The following RAB3GAP1 variants were observed in gnomAD, a reference collection of about 807,000 sequenced individuals.
RAB3GAP1 encodes the protein rab3 GTPase-activating protein catalytic subunit.
In RAB3GAP1, 86 loss-of-function variants were observed where a neutral mutation model predicts 130.7. The observed-to-expected ratio is 0.66, with a 90% CI of 0.55 to 0.79. RAB3GAP1 has a LOEUF of 0.79. Among genes scored for constraint, RAB3GAP1 ranks in the 30% least tolerant of loss-of-function variants. The pLI is 0.00. For synonymous variants in RAB3GAP1, 367 were observed against 401.7 expected (o/e 0.91, Z 1.03); for missense variants, 1,029 against 1,169.4 (o/e 0.88, Z 1.75).
At position 135,170,060 on chromosome 2, in the gene RAB3GAP1, G is replaced by C. The variant is rs1692805681; in HGVS notation, c.*1279G>C. ...GTCTCTGTGTATGTGAAGTAGGGGA[G>C]GCCCTGGGGGATGACCTCCCAGCCT... On this transcript the variant is annotated 3_prime_UTR_variant, in exon 24 of 24. Coordinates refer to ENST00000264158, the MANE Select transcript of RAB3GAP1 (RefSeq NM_012233.3). The C allele has an allele frequency of 5.3e-6, 1 of 190,348 alleles. No individual in the cohort carries two copies. The highest frequency in any genetic ancestry group is 1.1e-5 in the Non-Finnish European group (1 of 92,118). 11.8% of individuals were successfully genotyped at this position (190,348 alleles called of 1,614,324 possible). A position where few individuals can be genotyped will look rare whatever the true frequency, so the allele number is the denominator to read the frequency against.
intron 3 of RAB3GAP1, among the ~76,000 whole-genome samples, chr2:135,067,986 C>T (rs768477780): frequency 3.3e-5 from 5 of 152,134 alleles, no homozygotes; most frequent in Non-Finnish European, 5.9e-5. Flanking sequence ...GTGATTCTCC[C>T]GCCTCAGCCT....
chr2:135,079,817 TCTTAA>T (rs1689736037), intron 3 of RAB3GAP1, among the ~76,000 whole-genome samples: 1 of 152,204 alleles, frequency 6.6e-6, no homozygotes, highest in South Asian at 2.1e-4. Context: ...TTTTTCAGTC[TCTTAA>T]CTTTTCTCAT....
chr2:135,129,843 T>G (rs1011571962), intron 11 of RAB3GAP1, 152 bp from the exon 12 acceptor site: 5 of 614,388 alleles, frequency 8.1e-6, no homozygotes, highest in Non-Finnish European at 1.2e-5. Flanking sequence ...GATATAGGAT[T>G]AATTTTTGTT....
intron 5 of RAB3GAP1, among the ~76,000 whole-genome samples, chr2:135,102,831 T>C (rs899684651): frequency 2.0e-5 from 3 of 151,596 alleles, no homozygotes; most frequent in Admixed American, 1.3e-4. Context: ...CTGGCCAACA[T>C]AGTGAAACCT....
intron 17 of RAB3GAP1, among the ~76,000 whole-genome samples, chr2:135,146,512 C>G (rs1691999318): frequency 6.6e-6 from 1 of 152,076 alleles, no homozygotes; most frequent in South Asian, 2.1e-4. Context: ...GCCCCTGACT[C>G]CAAATGAATA....
chr2:135,117,036 T>C (rs147811543), intron 7 of RAB3GAP1, among the ~76,000 whole-genome samples: 4,137 of 152,172 alleles, frequency 0.027, 168 homozygotes, highest in African/African-American at 0.093. Flanking sequence ...TAAATCCCTT[T>C]GATATTAAAA....
chr2:135,081,076 A>ACGTTCATTAGTGTTAAGACCAC, intron 3 of RAB3GAP1, among the ~76,000 whole-genome samples: 2 of 152,034 alleles, frequency 1.3e-5, no homozygotes, highest in South Asian at 4.1e-4. Flanking sequence ...CCATGAAGCA[A>ACGTTCATTAGTGTTAAGACCAC]ACGTTCATTA....
intron 10 of RAB3GAP1, 44 bp downstream of exon 10, chr2:135,126,293 C>A (rs759248255): frequency 2.1e-6 from 3 of 1,408,856 alleles, no homozygotes; most frequent in Non-Finnish European, 2.0e-6. Context: ...TAAAAAACTT[C>A]AGTAGAATAA....
chr2:135,053,530 T>C, intron 2 of RAB3GAP1, among the ~76,000 whole-genome samples: 1 of 152,246 alleles, frequency 6.6e-6, no homozygotes, highest in East Asian at 1.9e-4. Context: ...TTTACGCTGT[T>C]ACAGCATTTT....
At chr2:135,143,132 A>T (rs1691893083) in intron 17 of RAB3GAP1, among the ~76,000 whole-genome samples, 1 of 152,038 alleles carries the variant, frequency 6.6e-6, no homozygotes, top group South Asian at 2.1e-4. Flanking sequence ...AATAGATAAA[A>T]AACTATTCTT....
At chr2:135,126,728 C>T in intron 11 of RAB3GAP1, 72 bp downstream of exon 11, 1 of 1,267,248 alleles carries the variant, frequency 7.9e-7, no homozygotes, top group Non-Finnish European at 1.2e-6. Flanking sequence ...ACACTGCATA[C>T]ATTCTTTATA....
At chr2:135,077,878 C>T (rs1466912965) in intron 3 of RAB3GAP1, among the ~76,000 whole-genome samples, 2 of 152,166 alleles carry the variant, frequency 1.3e-5, no homozygotes, top group Admixed American at 1.3e-4. Flanking sequence ...AAGTCCTTTG[C>T]CTATTTTTAC....
rs116841362 is a variant in RAB3GAP1 at position 135,168,021 on chromosome 2, A to G, written c.2710-524A>G. The stretch of plus-strand genomic sequence containing the variant: ...GAACTTCTCTTTTGTGGTCATTGCT[A>G]TATGGGCCTCTATCACTTCGGCATC... On this transcript the variant is annotated intron_variant, in intron 23 of 23. Transcript: ENST00000264158. Among the ~76,000 whole-genome samples the G allele has an allele frequency of 9.2e-4, 140 of 152,324 alleles. 2 individuals carry two copies. The East Asian group carries it at 0.025, about 27-fold the overall frequency.
chr2:135,085,586 G>A (rs1448615784), intron 3 of RAB3GAP1, among the ~76,000 whole-genome samples: 1 of 152,146 alleles, frequency 6.6e-6, no homozygotes, highest in Non-Finnish European at 1.5e-5. Context: ...TATTGAGTAG[G>A]TTGAAAGATA....
At chr2:135,074,023 G>T (rs141068266) in intron 3 of RAB3GAP1, among the ~76,000 whole-genome samples, 1 of 152,304 alleles carries the variant, frequency 6.6e-6, no homozygotes, top group African/African-American at 2.4e-5. Context: ...GGATCTCCTG[G>T]CACTAGGGCC....
At chr2:135,081,342 A>G (rs1479695069) in intron 3 of RAB3GAP1, among the ~76,000 whole-genome samples, 25 of 91,268 alleles carry the variant, frequency 2.7e-4, no homozygotes, top group African/African-American at 1.5e-3. Flanking sequence ...ATATATATAT[A>G]TATATATATA....
chr2:135,172,695 C>T (rs72980327), downstream of RAB3GAP1, among the ~76,000 whole-genome samples: 6,707 of 152,160 alleles, frequency 0.044, 503 homozygotes, highest in African/African-American at 0.15. Flanking sequence ...TCATTTACTA[C>T]GATGGAGAAG....
chr2:135,065,254 C>T (rs1048946514), intron 3 of RAB3GAP1, among the ~76,000 whole-genome samples: 4 of 152,248 alleles, frequency 2.6e-5, no homozygotes, highest in Non-Finnish European at 5.9e-5. Context: ...ATTAGAGCCC[C>T]CTTAGATCAG....
intron 3 of RAB3GAP1, among the ~76,000 whole-genome samples, chr2:135,081,428 A>G (rs1188389866): frequency 1.4e-4 from 18 of 128,162 alleles, no homozygotes; most frequent in African/African-American, 4.6e-4. Flanking sequence ...GTGTGTGTGT[A>G]TGTGTATATA....
Sources: allele counts gnomAD v4.1 joint callset (sites outside exome capture counted in the v4.1 genomes callset), GRCh38; gene constraint gnomAD v4.1.1; transcripts MANE v1.5; gene names NCBI Gene and HGNC (gene_info 2026-07-23, HGNC 2026-07-21).